MAGED1: variants seen among roughly 807,000 people sequenced by gnomAD.
MAGED1 encodes melanoma-associated antigen D1.
In MAGED1, 3 loss-of-function variants were observed where a neutral mutation model predicts 54.1. The observed-to-expected ratio is 0.06, with a 90% CI of 0.03 to 0.14. The LOEUF is 0.14. Ranked by LOEUF, MAGED1 falls within the 10% of genes least tolerant of loss-of-function variation. The probability of loss-of-function intolerance (pLI) is 1.00; values close to 1 mark genes in which losing one functional copy is unlikely to be tolerated. For missense variants in MAGED1, 485 were observed against 623.4 expected (o/e 0.78, Z 2.36); for synonymous variants, 217 against 227.3 (o/e 0.95, Z 0.41).
intron 1 of MAGED1, among the ~76,000 whole-genome samples, chrX:51,816,117 C>CTT (rs1280688562): frequency 1.0e-5 from 1 of 99,715 alleles, no homozygotes; most frequent in Non-Finnish European, 2.1e-5. Context: ...CATATTTTGT[C>CTT]TTTTTTTTTT....
At chrX:51,872,235 A>G (rs1190810474) in intron 1 of MAGED1, among the ~76,000 whole-genome samples, 1 of 110,758 alleles carries the variant, frequency 9.0e-6, no homozygotes, top group African/African-American at 3.3e-5. Context: ...TTGCCTGTTC[A>G]CTCTGGTGGT....
intron 1 of MAGED1, among the ~76,000 whole-genome samples, chrX:51,839,684 A>G (rs1557358263): frequency 8.9e-6 from 1 of 112,229 alleles, no homozygotes; most frequent in African/African-American, 3.2e-5. Flanking sequence ...CTTCATGCCT[A>G]TAGCTGCAAA....
chrX:51,871,137 C>T (rs184550581), intron 1 of MAGED1, among the ~76,000 whole-genome samples: 2 of 111,862 alleles, frequency 1.8e-5, no homozygotes, highest in Non-Finnish European at 3.8e-5. Context: ...TGTGCTTGAA[C>T]ATCTGTTTTG....
At chrX:51,891,443 G>A (rs1385951796), upstream of MAGED1, among the ~76,000 whole-genome samples, 2 of 112,950 alleles carry the variant, frequency 1.8e-5, no homozygotes, top group Non-Finnish European at 3.7e-5. Flanking sequence ...AGTGATGAGT[G>A]TGCATTATTT....
At chrX:51,814,748 T>A (rs1925354905) in intron 1 of MAGED1, among the ~76,000 whole-genome samples, 1 of 110,323 alleles carries the variant, frequency 9.1e-6, no homozygotes, top group Admixed American at 9.7e-5. Context: ...CTCACGTATT[T>A]ATGGTGATGT....
At position 51,895,286 on chromosome X, in the gene MAGED1, T is replaced by A; in HGVS notation, c.279T>A (p.Asp93Glu). ...ATTKGPNGVY[D>E]FSQAHNAKDV... ...CAAAAGGCCCAAATGGTGTCTATGA[T>A]TTCTCTCAGGCTCATAATGCCAAGG... The change falls in exon 3 of 13, where the codon GAT (aspartate) becomes GAA (glutamate). Residue 93 changes from aspartate to glutamate, a missense_variant. Around this residue, in one of 2 missense-constraint regions of MAGED1, gnomAD observed 299 missense variants for 293.1 expected, o/e 1.02. Transcript: ENST00000326587. 5.0e-6 allele frequency: 6 copies of A among 1,211,039 alleles called. No individual in the cohort carries two copies. The South Asian group carries it at 8.8e-5, about 18-fold the overall frequency.
At chrX:51,877,623 T>G (rs1927919026) in intron 1 of MAGED1, among the ~76,000 whole-genome samples, 2 of 111,757 alleles carry the variant, frequency 1.8e-5, no homozygotes, top group African/African-American at 6.5e-5. Context: ...AACAAGATTT[T>G]TGTTATTTGG....
chrX:51,891,950 C>T (rs929782431), upstream of MAGED1, among the ~76,000 whole-genome samples: 2 of 112,220 alleles, frequency 1.8e-5, no homozygotes, highest in Non-Finnish European at 3.8e-5. Context: ...AAACAGGCAG[C>T]TGACAGAGGA....
chrX:51,821,791 T>A (rs781813790), intron 1 of MAGED1, among the ~76,000 whole-genome samples: 14 of 112,109 alleles, frequency 1.2e-4, no homozygotes, highest in East Asian at 2.8e-4. Context: ...GGGTTTTTTT[T>A]ATGAAAAGTT....
At chrX:51,822,693 G>A (rs547583285) in intron 1 of MAGED1, among the ~76,000 whole-genome samples, 1 of 110,981 alleles carries the variant, frequency 9.0e-6, no homozygotes, top group African/African-American at 3.3e-5. Context: ...CAGTCATGGT[G>A]TGGAGTTCTT....
intron 1 of MAGED1, among the ~76,000 whole-genome samples, chrX:51,822,231 A>G (rs1427776498): frequency 1.8e-5 from 2 of 111,817 alleles, no homozygotes; most frequent in Non-Finnish European, 3.8e-5. Context: ...TTCACTTGTT[A>G]TAGGTTTCTT....
chrX:51,853,267 A>G (rs1926959616), intron 1 of MAGED1, among the ~76,000 whole-genome samples: 1 of 111,966 alleles, frequency 8.9e-6, no homozygotes, highest in South Asian at 3.7e-4. Context: ...TATGCATAGT[A>G]AACATAGTCG....
At chrX:51,888,758 AC>A (rs782123534), upstream of MAGED1, among the ~76,000 whole-genome samples, 2 of 111,967 alleles carry the variant, frequency 1.8e-5, no homozygotes, top group Admixed American at 1.9e-4. Context: ...CTGTTGTAGC[AC>A]CTCTATACCA....
At chrX:51,858,007 G>A (rs1557360350) in intron 1 of MAGED1, 1 of 112,095 alleles carries the variant, frequency 8.9e-6, no homozygotes, top group African/African-American at 3.2e-5. Flanking sequence ...AATGTGTGTG[G>A]GAAAGTCTTT....
Position 51,895,674 on chromosome X carries a change from G to T in MAGED1, c.667G>T (p.Gly223Cys), listed in dbSNP as rs1200539590. The T allele has an allele frequency of 7.5e-6, 9 of 1,206,019 alleles. No homozygotes were observed. The highest frequency in any genetic ancestry group is 5.6e-6 in the Non-Finnish European group (5 of 892,520). Residue 223 changes from glycine to cysteine, a missense_variant, in exon 3 of 13, where the codon GGT (glycine) becomes TGT (cysteine). By Grantham distance (159) the Gly-to-Cys change is radical. Around this residue, in one of 2 missense-constraint regions of MAGED1, gnomAD observed 299 missense variants for 293.1 expected, o/e 1.02. Transcript: ENST00000326587. ...CGACCCAGGTATCTCTGAACCTGACGGTGCAACTGCACAGACATCAGCAGA... is the reference window on the plus strand; with the variant it reads ...CGACCCAGGTATCTCTGAACCTGACTGTGCAACTGCACAGACATCAGCAGA... ...ETDPGISEPD[G>C]ATAQTSADGS...
intron 1 of MAGED1, among the ~76,000 whole-genome samples, chrX:51,884,222 G>A (rs782342385): frequency 1.8e-5 from 2 of 110,708 alleles, no homozygotes; most frequent in Non-Finnish European, 3.8e-5. Context: ...TCAAACTTCT[G>A]AAAGCTTAAG....
intron 1 of MAGED1, 46 bp from the exon 2 acceptor site, chrX:51,894,223 T>A: frequency 1.3e-6 from 1 of 787,206 alleles, no homozygotes; most frequent in Middle Eastern, 2.8e-4. Flanking sequence ...AATTAGGTCC[T>A]TCGTATTTGC....
At chrX:51,881,032 C>T (rs978363154) in intron 1 of MAGED1, among the ~76,000 whole-genome samples, 3 of 111,230 alleles carry the variant, frequency 2.7e-5, no homozygotes, top group Admixed American at 9.5e-5. Context: ...ATATACTTCT[C>T]ACCATTCTGG....
At chrX:51,883,242 A>C (rs2147003687) in intron 1 of MAGED1, among the ~76,000 whole-genome samples, 1 of 111,247 alleles carries the variant, frequency 9.0e-6, no homozygotes, top group South Asian at 3.9e-4. Context: ...CCTCTCCCCT[A>C]ACAAATGGTG....
Sources: allele counts gnomAD v4.1 joint callset (sites outside exome capture counted in the v4.1 genomes callset), GRCh38; gene constraint gnomAD v4.1.1; regional missense constraint gnomAD v4.1.1; transcripts MANE v1.5; gene names NCBI Gene and HGNC (gene_info 2026-07-23, HGNC 2026-07-21).